The following CRADD variants were observed in gnomAD, a reference collection of about 807,000 sequenced individuals.
CRADD encodes death domain-containing protein CRADD.
In CRADD, 9 loss-of-function variants were observed where a neutral mutation model predicts 15.5. The observed-to-expected ratio is 0.58, with a 90% CI of 0.35 to 1.01. The LOEUF is 1.01. CRADD is among the 50% of genes least tolerant of loss of function. The pLI is 0.02. For synonymous variants in CRADD, 118 were observed against 107.6 expected, an observed-to-expected ratio of 1.10 and a Z score of -0.60; for missense variants, 227 against 250.3, an observed-to-expected ratio of 0.91 and a Z score of 0.63.
At chr12:93,852,836 A>AGTGTGT (rs58175344), downstream of CRADD, among the ~76,000 whole-genome samples, 6,154 of 149,518 alleles carry the variant, frequency 0.041, 346 homozygotes, top group Admixed American at 0.14. Flanking sequence ...GTTGGGTTGG[A>AGTGTGT]GTGTGTGTGT....
chr12:93,693,579 G>A (rs1398921802), intron 2 of CRADD, among the ~76,000 whole-genome samples: 1 of 152,026 alleles, frequency 6.6e-6, no homozygotes, highest in East Asian at 1.9e-4. Flanking sequence ...AATCACTGGA[G>A]CACCTAAATA....
chr12:93,809,679 C>T (rs1957597190), intron 2 of CRADD, among the ~76,000 whole-genome samples: 1 of 152,202 alleles, frequency 6.6e-6, no homozygotes, highest in African/African-American at 2.4e-5. Flanking sequence ...CTCAGAGTCA[C>T]AGTAAGGACT....
intron 2 of CRADD, among the ~76,000 whole-genome samples, chr12:93,889,357 G>T (rs1440040571): frequency 6.6e-6 from 1 of 152,142 alleles, no homozygotes; most frequent in African/African-American, 2.4e-5. Context: ...CCCAGCTCAG[G>T]TTCCTCCAGG....
chr12:93,711,722 G>A (rs994583841), intron 2 of CRADD, among the ~76,000 whole-genome samples: 7 of 150,740 alleles, frequency 4.6e-5, no homozygotes, highest in African/African-American at 1.7e-4. Context: ...CAGCCCAGAG[G>A]ACCTCATAAA....
intron 2 of CRADD, among the ~76,000 whole-genome samples, chr12:93,784,028 C>T (rs531985702): frequency 3.3e-5 from 5 of 152,206 alleles, no homozygotes; most frequent in South Asian, 2.1e-4. Flanking sequence ...GCAGGGTGCA[C>T]GGGGTTCACA....
At chr12:93,785,514 G>C (rs532632358) in intron 2 of CRADD, among the ~76,000 whole-genome samples, 13 of 152,166 alleles carry the variant, frequency 8.5e-5, no homozygotes, top group Non-Finnish European at 1.8e-4. Flanking sequence ...TTCCCCTTCA[G>C]TATTCAACCA....
chr12:93,892,818 C>G (rs1384442488), intron 2 of CRADD, among the ~76,000 whole-genome samples: 2 of 152,178 alleles, frequency 1.3e-5, no homozygotes, highest in Admixed American at 6.5e-5. Context: ...CTGTTGGCCA[C>G]TAGGGAAATA....
At chr12:93,815,214 T>C (rs1160088771) in intron 2 of CRADD, 1 of 152,242 alleles carries the variant, frequency 6.6e-6, no homozygotes, top group African/African-American at 2.4e-5. Flanking sequence ...TCTGAAAATA[T>C]ACACTGAATT....
chr12:93,716,438 G>A (rs1219797541), intron 2 of CRADD, among the ~76,000 whole-genome samples: 2 of 152,108 alleles, frequency 1.3e-5, no homozygotes, highest in Non-Finnish European at 2.9e-5. Context: ...TACATCCTAT[G>A]GGTTGGGACA....
intron 2 of CRADD, among the ~76,000 whole-genome samples, chr12:93,758,743 G>A (rs926025601): frequency 6.6e-6 from 1 of 151,982 alleles, no homozygotes; most frequent in African/African-American, 2.4e-5. Flanking sequence ...TTTAGATTTG[G>A]TAGATTTTAA....
intron 2 of CRADD, among the ~76,000 whole-genome samples, chr12:93,775,086 A>G (rs1210767046): frequency 6.6e-6 from 1 of 152,264 alleles, no homozygotes; most frequent in African/African-American, 2.4e-5. Flanking sequence ...AAAGAAACTG[A>G]CAAAAACCCA....
chr12:93,777,506 G>A (rs1661983596), intron 2 of CRADD, among the ~76,000 whole-genome samples: 1 of 152,192 alleles, frequency 6.6e-6, no homozygotes, highest in Admixed American at 6.5e-5. Flanking sequence ...CTGAGTCAAG[G>A]AAAAGAGAAG....
At chr12:93,867,258 C>T (rs762754708) in intron 2 of CRADD, among the ~76,000 whole-genome samples, 48 of 151,758 alleles carry the variant, frequency 3.2e-4, no homozygotes, top group African/African-American at 9.7e-5. Context: ...CAACATTTTA[C>T]GGCTTTCATT....
chr12:93,701,498 C>G (rs1955844654), intron 2 of CRADD, among the ~76,000 whole-genome samples: 1 of 152,162 alleles, frequency 6.6e-6, no homozygotes, highest in African/African-American at 2.4e-5. Flanking sequence ...CCATCTTGTC[C>G]CTTGTGGGAA....
intron 2 of CRADD, among the ~76,000 whole-genome samples, chr12:93,770,141 G>GC (rs35864837): frequency 1.4e-4 from 19 of 134,176 alleles, no homozygotes; most frequent in Non-Finnish European, 1.9e-4. Context: ...TGTGGCCCAG[G>GC]TGGGAGTGCA....
At chr12:93,869,005 C>T (rs55855959) in intron 2 of CRADD, among the ~76,000 whole-genome samples, 12,207 of 152,150 alleles carry the variant, frequency 0.08, 619 homozygotes, top group African/African-American at 0.15. Flanking sequence ...AAGAGCATAG[C>T]AGAAAACATC....
chr12:93,682,421 C>T (rs1258414867), intron 2 of CRADD, among the ~76,000 whole-genome samples: 1 of 152,100 alleles, frequency 6.6e-6, no homozygotes, highest in Non-Finnish European at 1.5e-5. Flanking sequence ...TCTTGGGAGG[C>T]CTTGAGAACA....
At chr12:93,686,877 A>G (rs983493734) in intron 2 of CRADD, among the ~76,000 whole-genome samples, 2 of 151,942 alleles carry the variant, frequency 1.3e-5, no homozygotes, top group African/African-American at 4.8e-5. Context: ...TGCAGTGTTA[A>G]TAATTGAAAG....
At chr12:93,706,673 G>A (rs1167869813) in intron 2 of CRADD, among the ~76,000 whole-genome samples, 1 of 152,118 alleles carries the variant, frequency 6.6e-6, no homozygotes, top group Admixed American at 6.5e-5. Context: ...GGGAGCTTTT[G>A]TTTTCATAAT....
Sources: gnomAD v4.1 joint callset for allele counts (sites outside exome capture counted in the v4.1 genomes callset) on GRCh38, gnomAD v4.1.1 for gene constraint, MANE v1.5 for transcripts, NCBI Gene and HGNC (gene_info 2026-07-23, HGNC 2026-07-21) for gene names.